The following FAM20A variants were observed in gnomAD, a reference collection of about 807,000 sequenced individuals.
FAM20A encodes FAM20A golgi associated secretory pathway pseudokinase, also known as pseudokinase FAM20A.
Under a neutral mutation model 52.0 loss-of-function variants are expected in FAM20A, and 42 were observed. The ratio of observed to expected loss-of-function variants is 0.81; its 90% CI spans 0.63 to 1.04. FAM20A has a LOEUF of 1.04. FAM20A is among the 50% of genes least tolerant of loss of function. The pLI is 0.00. For missense variants in FAM20A, 742 were observed against 712.7 expected, an observed-to-expected ratio of 1.04 and a Z score of -0.47; for synonymous variants, 304 against 298.9, an observed-to-expected ratio of 1.02 and a Z score of -0.18.
Position 68,600,138 on chromosome 17 carries a change from AG to A in FAM20A, c.404+124del. On this transcript the variant is annotated intron_variant, in intron 1 of 10. Transcript: ENST00000592554. The surrounding 1 kb of genome is among the most constrained non-coding windows in gnomAD (Gnocchi z 6.2). ...GGGAACACACTCTAAGCCCAGCGCC[AG>A]GGCTGGAGCCGTGGGTGGAGCCGCT... The A allele has an allele frequency of 8.6e-7, 1 of 1,164,860 alleles. No homozygotes were observed. The highest frequency in any genetic ancestry group is 1.6e-5 in the South Asian group (1 of 64,318). 72.2% of individuals were successfully genotyped at this position (1,164,860 alleles called of 1,614,324 possible).
At position 68,540,836 on chromosome 17, in the gene FAM20A, T is replaced by C; in HGVS notation, c.1219+13A>G. 6.3e-7 allele frequency: 1 copy of C among 1,587,694 alleles called. No individual in the cohort carries two copies. The highest frequency in any genetic ancestry group is 8.6e-7 in the Non-Finnish European group (1 of 1,165,822). On this transcript the variant is annotated intron_variant, in intron 8 of 10. Coordinates refer to ENST00000592554, the MANE Select transcript of FAM20A (RefSeq NM_017565.4). ...AGCCCACTTCTGCTGGGGGCCTGCG[T>C]GTGGGGACCTACCTATCAAGAAGTC...
rs2086214455 is a variant in FAM20A, at chr17:68,539,926, G to A, written c.1260C>T (p.Phe420=). Residue 420 remains phenylalanine, a synonymous_variant, in exon 9 of 11, where the codon TTC becomes TTT. Transcript: ENST00000592554. The part of the protein sequence containing the change: ...DRHHYEMFTK[F]GDDGFLIHLD... ...GGTGAATAAGGAACCCATCATCCCC[G>A]AACTTGGTGAACATCTCATAATGGT... 2 of 1,614,182 alleles carry A rather than the reference G, an allele frequency of 1.2e-6. No homozygotes were observed. The highest frequency in any genetic ancestry group is 8.5e-7 in the Non-Finnish European group (1 of 1,180,032).
intron 2 of FAM20A, 90 bp from the exon 3 acceptor site, chr17:68,554,917 AC>A: frequency 1.5e-6 from 2 of 1,340,522 alleles, no homozygotes; most frequent in Non-Finnish European, 1.1e-6. Context: ...GGTTCAGATC[AC>A]CAGAGGGGAG....
intron 1 of FAM20A, among the ~76,000 whole-genome samples, chr17:68,589,096 G>A (rs2088235251): frequency 6.6e-6 from 1 of 152,152 alleles, no homozygotes; most frequent in Non-Finnish European, 1.5e-5. Flanking sequence ...AACAGGTTCT[G>A]GCCTGTACTT....
At chr17:68,599,134 A>G (rs2088539384) in intron 1 of FAM20A, among the ~76,000 whole-genome samples, 1 of 152,192 alleles carries the variant, frequency 6.6e-6, no homozygotes, top group Non-Finnish European at 1.5e-5. Flanking sequence ...TCTCCCTTCA[A>G]TCTCAGCATT....
chr17:68,549,450 C>T (rs1031596765), intron 4 of FAM20A, among the ~76,000 whole-genome samples: 15 of 151,198 alleles, frequency 9.9e-5, no homozygotes, highest in African/African-American at 3.2e-4. Flanking sequence ...GCCGAGATAG[C>T]GCCACTGCAC....
At chr17:68,541,931 A>C in intron 7 of FAM20A, 54 bp downstream of exon 7, 1 of 1,568,710 alleles carries the variant, frequency 6.4e-7, no homozygotes, top group Non-Finnish European at 8.7e-7. Flanking sequence ...TCCCTGGTAC[A>C]GGGTCTGTGG....
At chr17:68,568,728 T>C (rs1361121704) in intron 1 of FAM20A, among the ~76,000 whole-genome samples, 1 of 151,734 alleles carries the variant, frequency 6.6e-6, no homozygotes, top group Non-Finnish European at 1.5e-5. Flanking sequence ...TTCTTCCTCT[T>C]CTCTTAATTC....
At position 68,537,513 on chromosome 17, in the gene FAM20A, C is replaced by T. The variant is rs768580756; in HGVS notation, c.1590G>A (p.Leu530=). ...SVIVDGPVEQ[L]APDSGQANLT... Reference sequence around the variant, plus strand: ...AGTTAGCCTGGCCAGAGTCTGGGGCCAACTGTTCCACTGGGCCGTCGACTA... The same window carrying T: ...AGTTAGCCTGGCCAGAGTCTGGGGCTAACTGTTCCACTGGGCCGTCGACTA... The change falls in exon 11 of 11, where the codon TTG becomes TTA. Residue 530 remains leucine, a synonymous_variant. Coordinates refer to ENST00000592554, the MANE Select transcript of FAM20A (RefSeq NM_017565.4). The surrounding 1 kb of genome is among the most constrained non-coding windows in gnomAD (Gnocchi z 4.2). The T allele has an allele frequency of 6.8e-6, 11 of 1,613,764 alleles. No homozygotes were observed. The highest frequency in any genetic ancestry group is 3.3e-5 in the Admixed American group (2 of 59,972).
At chr17:68,548,107 C>T (rs992739858) in intron 4 of FAM20A, among the ~76,000 whole-genome samples, 1 of 152,150 alleles carries the variant, frequency 6.6e-6, no homozygotes, top group Admixed American at 6.5e-5. Flanking sequence ...TCAGAACACA[C>T]ATTTAGGCCA....
At chr17:68,591,176 G>A (rs2952301) in intron 1 of FAM20A, among the ~76,000 whole-genome samples, 1,755 of 152,174 alleles carry the variant, frequency 0.012, 37 homozygotes, top group African/African-American at 0.038. Flanking sequence ...GCGCGATCTC[G>A]GCTAACTGCA....
intron 1 of FAM20A, chr17:68,557,376 T>G (rs1047202638): frequency 2.0e-5 from 3 of 152,126 alleles, no homozygotes; most frequent in African/African-American, 7.2e-5. Flanking sequence ...GTGATGGTAT[T>G]GGAGATGGGG....
chr17:68,574,401 G>A (rs1294389662), intron 1 of FAM20A, among the ~76,000 whole-genome samples: 2 of 152,038 alleles, frequency 1.3e-5, no homozygotes, highest in African/African-American at 2.4e-5. Flanking sequence ...AGCACCATGA[G>A]ACCCACTCCC....
In FAM20A at chr17:68,542,003, G is replaced by A. The variant is rs1327242128; in HGVS notation, c.1091C>T (p.Thr364Ile). Residue 364 changes from threonine (T) to isoleucine (I), a missense_variant, in exon 7 of 11, where the codon ACA (threonine) becomes ATA (isoleucine). By Grantham distance (89) the Thr-to-Ile change is moderately conservative (BLOSUM62 -1). Coordinates refer to ENST00000592554, the MANE Select transcript of FAM20A (RefSeq NM_017565.4). ...AACTCACTCCTCTTTTCCTGCCAGTGTGTAGGAGCGGATCCAGGGGTTGGG... is the reference window on the plus strand; with the variant it reads ...AACTCACTCCTCTTTTCCTGCCAGTATGTAGGAGCGGATCCAGGGGTTGGG... ...SVPNPWIRSY[T>I]LAGKEEWEVN... 8 of 1,613,842 alleles carry A rather than the reference G, an allele frequency of 5.0e-6. No individual in the cohort carries two copies. The Admixed American group carries it at 1.3e-4, about 27-fold the overall frequency.
At chr17:68,591,661 C>A (rs774218593) in intron 1 of FAM20A, 2 of 152,314 alleles carry the variant, frequency 1.3e-5, no homozygotes, top group Non-Finnish European at 2.9e-5. Flanking sequence ...AACAACCGGA[C>A]TGCTGGTCCC....
chr17:68,559,002 C>T (rs1411499093), intron 1 of FAM20A, among the ~76,000 whole-genome samples: 1 of 152,186 alleles, frequency 6.6e-6, no homozygotes, highest in African/African-American at 2.4e-5. Context: ...AGGTGATCCG[C>T]CCGCCTTGAC....
intron 1 of FAM20A, among the ~76,000 whole-genome samples, chr17:68,575,561 TTATA>T (rs1021297612): frequency 9.4e-6 from 1 of 106,416 alleles, no homozygotes; most frequent in African/African-American, 3.6e-5. Context: ...AATATATATT[TTATA>T]TATTATATAA....
intron 3 of FAM20A, among the ~76,000 whole-genome samples, chr17:68,553,960 A>G (rs1181324362): frequency 1.3e-5 from 2 of 148,720 alleles, no homozygotes; most frequent in African/African-American, 5.0e-5. Context: ...ATATATGCAT[A>G]TATACATATA....
chr17:68,551,651 A>C (rs2086838746), intron 4 of FAM20A, among the ~76,000 whole-genome samples: 1 of 151,634 alleles, frequency 6.6e-6, no homozygotes, highest in East Asian at 1.9e-4. Flanking sequence ...CATAGATGAT[A>C]GTAAGGGCCT....
Sources: gnomAD v4.1 joint callset for allele counts (sites outside exome capture counted in the v4.1 genomes callset) on GRCh38, gnomAD v4.1.1 for gene constraint, Gnocchi (gnomAD v3.1) non-coding constraint, MANE v1.5 for transcripts, NCBI Gene and HGNC (gene_info 2026-07-23, HGNC 2026-07-21) for gene names.